The following LMBRD2 variants were observed in gnomAD, a reference collection of about 807,000 sequenced individuals.
The protein encoded by LMBRD2 is G protein-coupled receptor-associated protein LMBRD2.
Under a neutral mutation model 94.4 loss-of-function variants are expected in LMBRD2, and 55 were observed. The ratio of observed to expected loss-of-function variants is 0.58; its 90% confidence interval spans 0.47 to 0.73. The LOEUF (loss-of-function observed/expected upper bound fraction) is 0.73, where lower values mean the gene tolerates loss of function less well. Ranked by LOEUF, LMBRD2 falls within the 30% of genes least tolerant of loss-of-function variation. The pLI is 0.00. For missense variants in LMBRD2, 640 were observed against 831.9 expected (o/e 0.77, Z 2.84); for synonymous variants, 246 against 272.4 (o/e 0.90, Z 0.95).
intron 6 of LMBRD2, among the ~76,000 whole-genome samples, chr5:36,131,082 C>G (rs528470506): frequency 6.6e-6 from 1 of 152,212 alleles, no homozygotes; most frequent in Admixed American, 6.5e-5. Context: ...ATGCAAAAAT[C>G]CTCAAGAAAA....
chr5:36,132,577 A>G (rs1056005546), intron 6 of LMBRD2, among the ~76,000 whole-genome samples: 18 of 151,754 alleles, frequency 1.2e-4, no homozygotes, highest in Non-Finnish European at 2.5e-4. Flanking sequence ...AGAGGTTAAT[A>G]ACCAGAATAT....
intron 2 of LMBRD2, chr5:36,142,891 T>C (rs927532523): frequency 1.2e-5 from 4 of 342,300 alleles, no homozygotes; most frequent in Non-Finnish European, 1.6e-5. Context: ...CGTCCGGCTA[T>C]TTTTTTTGTA....
intron 14 of LMBRD2, 52 bp downstream of exon 14, chr5:36,111,103 A>G: frequency 2.0e-6 from 2 of 1,009,282 alleles, no homozygotes; most frequent in Non-Finnish European, 3.0e-6. Flanking sequence ...TTGTATTTTG[A>G]GTCTTAGCAC....
At chr5:36,135,760 A>G (rs564829993) in intron 6 of LMBRD2, among the ~76,000 whole-genome samples, 1 of 152,208 alleles carries the variant, frequency 6.6e-6, no homozygotes, top group African/African-American at 2.4e-5. Context: ...TTTTATGTAC[A>G]GTATTGAAAG....
At chr5:36,106,508 C>CTTTTTTTTTTTTTTTTTTTTTT (rs201602814) in intron 16 of LMBRD2, among the ~76,000 whole-genome samples, 1 of 132,868 alleles carries the variant, frequency 7.5e-6, no homozygotes. Flanking sequence ...TTTTTTCTTT[C>CTTTTTTTTTTTTTTTTTTTTTT]GTTTTTTTTT....
In LMBRD2 at chr5:36,104,066, C is replaced by T; in HGVS notation, c.2068G>A (p.Asp690Asn). ...GGRYLSMSRS[D>N]IFNDV ...AGACTTTAAACATCATTAAATATGT[C>T]ACTGCGAGACATCGAGAGATATCGT... Residue 690 changes from aspartate (D) to asparagine (N), a missense_variant, in exon 18 of 18, where the codon GAC (aspartate) becomes AAC (asparagine). Asp to Asn is a conservative substitution (Grantham distance 23). Coordinates refer to ENST00000296603, the MANE Select transcript of LMBRD2 (RefSeq NM_001007527.2). 1.2e-6 allele frequency: 2 copies of T among 1,610,400 alleles called. No homozygotes were observed. The highest frequency in any genetic ancestry group is 3.3e-4 in the Middle Eastern group (2 of 6,046).
chr5:36,127,596 T>C (rs975642840), intron 6 of LMBRD2, among the ~76,000 whole-genome samples: 1 of 152,216 alleles, frequency 6.6e-6, no homozygotes, highest in Non-Finnish European at 1.5e-5. Flanking sequence ...TGAAGAGATC[T>C]TGGGCCTTGA....
intron 1 of LMBRD2, among the ~76,000 whole-genome samples, chr5:36,143,620 C>T (rs190252486): frequency 1.3e-5 from 2 of 152,190 alleles, no homozygotes; most frequent in East Asian, 3.9e-4. Flanking sequence ...ATTTCACGTA[C>T]CTTGTATTTT....
At chr5:36,121,398 A>AT (rs905875931) in intron 9 of LMBRD2, among the ~76,000 whole-genome samples, 23 of 152,288 alleles carry the variant, frequency 1.5e-4, no homozygotes, top group Middle Eastern at 3.4e-3. Context: ...GAATATAACA[A>AT]TTTTTTTAAA....
chr5:36,122,512 G>T, intron 8 of LMBRD2, 49 bp from the exon 9 acceptor site: 1 of 1,459,060 alleles, frequency 6.9e-7, no homozygotes, highest in Non-Finnish European at 9.5e-7. Context: ...ATCCAACAGT[G>T]GTTCAACTCT....
chr5:36,138,441 G>A (rs141519724), intron 4 of LMBRD2, among the ~76,000 whole-genome samples: 1 of 152,312 alleles, frequency 6.6e-6, no homozygotes, highest in African/African-American at 2.4e-5. Context: ...TGAGCAAAGA[G>A]AGATGCAAAA....
chr5:36,129,088 T>C (rs772480393), intron 6 of LMBRD2, among the ~76,000 whole-genome samples: 48 of 151,994 alleles, frequency 3.2e-4, no homozygotes, highest in Non-Finnish European at 6.2e-4. Context: ...TAAAAAAGAA[T>C]GAAAAGTGTC....
intron 4 of LMBRD2, among the ~76,000 whole-genome samples, chr5:36,139,025 C>T (rs1356960214): frequency 1.3e-5 from 2 of 152,174 alleles, no homozygotes; most frequent in Non-Finnish European, 2.9e-5. Flanking sequence ...GTGGGAGCCC[C>T]ACCCCCTTCC....
chr5:36,119,726 G>C (rs1310382940), intron 9 of LMBRD2, among the ~76,000 whole-genome samples: 2 of 152,004 alleles, frequency 1.3e-5, no homozygotes, highest in East Asian at 3.9e-4. Context: ...CACTCTCCTA[G>C]GCAACTATTT....
At chr5:36,142,887 G>T in intron 2 of LMBRD2, 1 of 376,488 alleles carries the variant, frequency 2.7e-6, no homozygotes, top group Non-Finnish European at 4.8e-6. Context: ...ACCACGTCCG[G>T]CTATTTTTTT....
chr5:36,105,001 G>T, intron 17 of LMBRD2, 67 bp downstream of exon 17: 7 of 1,437,920 alleles, frequency 4.9e-6, no homozygotes, highest in South Asian at 1.4e-5. Context: ...TTTCAATCTT[G>T]TCAAGTCAAT....
At chr5:36,114,911 A>G (rs1214928382) in intron 12 of LMBRD2, 104 bp downstream of exon 12, 3 of 746,722 alleles carry the variant, frequency 4.0e-6, no homozygotes, top group Admixed American at 3.0e-5. Context: ...AATTTTACCA[A>G]TAACACTATA....
chr5:36,109,956 T>C lies in LMBRD2; in HGVS notation c.1780A>G (p.Asn594Asp), dbSNP rs1397915327. Reference sequence around the variant, plus strand: ...AATACTGTACTTACTCTTCTTCGATTTTCACCTTCTTCTTGCCTTTGCCTT... The same window carrying C: ...AATACTGTACTTACTCTTCTTCGATCTTCACCTTCTTCTTGCCTTTGCCTT... The part of the protein sequence containing the change: ...RKRQRQEEGE[N>D]RRREWKERYG... The change falls in exon 15 of 18, where the codon AAT becomes GAT. Residue 594 changes from asparagine (N) to aspartate (D), a missense_variant. Physicochemically the swap from Asn to Asp is conservative, Grantham distance 23. Around this residue, in one of 2 missense-constraint regions of LMBRD2, gnomAD observed 183 missense variants for 189.1 expected, o/e 0.97. Transcript: ENST00000296603. 1 of 1,606,560 alleles carries C rather than the reference T, an allele frequency of 6.2e-7. No homozygotes were observed. Among genetic ancestry groups the C allele is most frequent in the South Asian group, 1.1e-5 (1 of 90,578 alleles).
Position 36,115,172 on chromosome 5 carries a change from A to T in LMBRD2, c.1437-52T>A, listed in dbSNP as rs745512067. On this transcript the variant is annotated intron_variant, in intron 11 of 17. Coordinates refer to ENST00000296603, the MANE Select transcript of LMBRD2 (RefSeq NM_001007527.2). ...TATAAAAAGTAAAGCAGCAAAATAC[A>T]TTTTATAGTATACTGAGATGTATTA... The T allele has an allele frequency of 1.1e-5, 12 of 1,059,232 alleles. No homozygotes were observed. In the Admixed American group the frequency reaches 2.2e-4, roughly 19 times the overall value. 65.6% of individuals were successfully genotyped at this position (1,059,232 alleles called of 1,614,324 possible). A position where few individuals can be genotyped will look rare whatever the true frequency, so the allele number is the denominator to read the frequency against.
Sources: allele counts gnomAD v4.1 joint callset (sites outside exome capture counted in the v4.1 genomes callset), GRCh38; gene constraint gnomAD v4.1.1; regional missense constraint gnomAD v4.1.1; transcripts MANE v1.5; gene names NCBI Gene and HGNC (gene_info 2026-07-23, HGNC 2026-07-21).